Variants in SMCO4 observed in about 807,000 individuals in gnomAD.
SMCO4 encodes the protein single-pass membrane and coiled-coil domain-containing protein 4.
Under a neutral mutation model 3.6 loss-of-function variants are expected in SMCO4, and 4 were observed. That is an observed-to-expected ratio of 1.11 (90% CI 0.54 to 2.53). The LOEUF (loss-of-function observed/expected upper bound fraction) is 2.53. SMCO4 is among the 30% of genes most tolerant of loss of function. SMCO4 has a pLI of 0.02. For synonymous variants in SMCO4, 36 were observed against 35.3 expected, an observed-to-expected ratio of 1.02 and a Z score of -0.07; for missense variants, 70 against 80.8, an observed-to-expected ratio of 0.87 and a Z score of 0.51.
intron 1 of SMCO4, among the ~76,000 whole-genome samples, chr11:93,506,938 T>A (rs1591314835): frequency 6.6e-6 from 1 of 152,240 alleles, no homozygotes. Flanking sequence ...GCTTAGCCAC[T>A]GTTTTTCACA....
At chr11:93,520,395 A>T (rs1367796754) in intron 1 of SMCO4, among the ~76,000 whole-genome samples, 1 of 152,164 alleles carries the variant, frequency 6.6e-6, no homozygotes, top group African/African-American at 2.4e-5. Flanking sequence ...TCCTCTCAAC[A>T]ACTTACAAGG....
At chr11:93,494,782 T>C (rs572778926) in intron 2 of SMCO4, among the ~76,000 whole-genome samples, 2 of 152,334 alleles carry the variant, frequency 1.3e-5, no homozygotes, top group African/African-American at 4.8e-5. Context: ...GTACAGACCA[T>C]GCCTACAGAA....
intron 1 of SMCO4, among the ~76,000 whole-genome samples, chr11:93,514,409 T>C (rs1168620029): frequency 5.8e-4 from 16 of 27,422 alleles, no homozygotes; most frequent in African/African-American, 9.3e-4. Flanking sequence ...TATATATATA[T>C]ATATATATAT....
chr11:93,502,007 G>A (rs1266601847), intron 1 of SMCO4, among the ~76,000 whole-genome samples: 1 of 151,906 alleles, frequency 6.6e-6, no homozygotes, highest in African/African-American at 2.4e-5. Context: ...ACCAAGAAAG[G>A]AGAGCAGGCT....
At chr11:93,521,515 C>T (rs1949058414) in intron 1 of SMCO4, among the ~76,000 whole-genome samples, 1 of 152,174 alleles carries the variant, frequency 6.6e-6, no homozygotes. Flanking sequence ...AAAAAAGTTA[C>T]CCAAAGTCAC....
At chr11:93,490,372 T>C (rs1174221277) in intron 2 of SMCO4, among the ~76,000 whole-genome samples, 1 of 152,240 alleles carries the variant, frequency 6.6e-6, no homozygotes, top group Non-Finnish European at 1.5e-5. Context: ...TTGAAATTCC[T>C]GTAAGAGGGT....
chr11:93,483,073 G>T (rs551840391), intron 2 of SMCO4, among the ~76,000 whole-genome samples: 1 of 152,306 alleles, frequency 6.6e-6, no homozygotes, highest in Non-Finnish European at 1.5e-5. Flanking sequence ...AACTCAACAA[G>T]AGGAGGTAGG....
intron 1 of SMCO4, among the ~76,000 whole-genome samples, chr11:93,524,220 A>T (rs1300306519): frequency 6.6e-6 from 1 of 152,218 alleles, no homozygotes; most frequent in African/African-American, 2.4e-5. Flanking sequence ...AATTTATAGG[A>T]CACAGACTCA....
intron 1 of SMCO4, among the ~76,000 whole-genome samples, chr11:93,510,028 T>C (rs1948943410): frequency 6.6e-6 from 1 of 152,170 alleles, no homozygotes; most frequent in Non-Finnish European, 1.5e-5. Flanking sequence ...AAGGAGGTCC[T>C]ATAGAGAACT....
At chr11:93,535,578 C>A in intron 1 of SMCO4, 2 of 1,523,156 alleles carry the variant, frequency 1.3e-6, no homozygotes, top group Non-Finnish European at 1.8e-6. Context: ...ACAGTCGAAC[C>A]AAATCCATTC....
intron 1 of SMCO4, among the ~76,000 whole-genome samples, chr11:93,510,686 G>A (rs546131672): frequency 2.0e-4 from 31 of 152,144 alleles, no homozygotes; most frequent in African/African-American, 1.7e-4. Context: ...CTTGATCTGC[G>A]GCTCAGGACT....
At chr11:93,489,555 A>C (rs910204549) in intron 2 of SMCO4, among the ~76,000 whole-genome samples, 2 of 152,208 alleles carry the variant, frequency 1.3e-5, no homozygotes, top group African/African-American at 4.8e-5. Context: ...TCAGGATGGC[A>C]CCAACCGCGC....
At chr11:93,496,297 G>A (rs1948771578) in intron 2 of SMCO4, among the ~76,000 whole-genome samples, 1 of 152,130 alleles carries the variant, frequency 6.6e-6, no homozygotes, top group Non-Finnish European at 1.5e-5. Context: ...TGTACTTTAG[G>A]AGAGGCATCA....
chr11:93,528,472 A>C (rs1383336679), intron 1 of SMCO4, among the ~76,000 whole-genome samples: 1 of 152,228 alleles, frequency 6.6e-6, no homozygotes, highest in East Asian at 1.9e-4. Context: ...TGGCCCAGAA[A>C]GCAAGAACTC....
At position 93,499,328 on chromosome 11, in the gene SMCO4, T is replaced by G. The variant is rs953863706; in HGVS notation, c.-133A>C. The G allele has an allele frequency of 2.0e-5, 3 of 152,246 alleles. No homozygotes were observed. The highest frequency in any genetic ancestry group is 2.9e-5 in the Non-Finnish European group (2 of 68,048). The allele number at this position is 152,246 out of a possible 1,614,324, so 9.4% of individuals were successfully genotyped here. A position where few individuals can be genotyped will look rare whatever the true frequency, so the allele number is the denominator to read the frequency against. ...TTAATTTCAGCAAACTGATTTCCAG[T>G]ACAGGTGACTTGAGTTATTCCTGTT... On this transcript the variant is annotated 5_prime_UTR_variant, in exon 2 of 3. Coordinates refer to ENST00000298966, the MANE Select transcript of SMCO4 (RefSeq NM_020179.3).
chr11:93,508,447 C>T (rs951486189), intron 1 of SMCO4, among the ~76,000 whole-genome samples: 1 of 152,026 alleles, frequency 6.6e-6, no homozygotes, highest in African/African-American at 2.4e-5. Context: ...ATTATTACAA[C>T]CTAAAAAATG....
At chr11:93,494,261 T>C (rs550280226) in intron 2 of SMCO4, among the ~76,000 whole-genome samples, 2 of 152,334 alleles carry the variant, frequency 1.3e-5, no homozygotes, top group South Asian at 4.1e-4. Flanking sequence ...AGACGATGCA[T>C]CTAAATTTCA....
chr11:93,539,532 A>G lies in SMCO4; in HGVS notation c.-154+3744T>C, dbSNP rs375376317. 6.6e-5 allele frequency among the ~76,000 whole-genome samples: 10 copies of G among 152,362 alleles called. No individual in the cohort carries two copies. In the East Asian group the frequency reaches 1.3e-3, roughly 21 times the overall value. On this transcript the variant is annotated intron_variant, in intron 1 of 2. Coordinates refer to ENST00000298966, the MANE Select transcript of SMCO4 (RefSeq NM_020179.3). The stretch of plus-strand genomic sequence containing the variant: ...ACAAAGACGACACTTCTACTTTTTA[A>G]AAACTATTTCCTAATTATTATCTTC...
At chr11:93,507,650 C>T (rs957077580) in intron 1 of SMCO4, among the ~76,000 whole-genome samples, 3 of 152,142 alleles carry the variant, frequency 2.0e-5, no homozygotes, top group Admixed American at 2.0e-4. Context: ...AATGTAACAG[C>T]ATTATGAAAA....
Sources: allele counts gnomAD v4.1 joint callset (sites outside exome capture counted in the v4.1 genomes callset), GRCh38; gene constraint gnomAD v4.1.1; transcripts MANE v1.5; gene names NCBI Gene and HGNC (gene_info 2026-07-23, HGNC 2026-07-21).